The following NAALADL2 variants were observed in gnomAD, a reference collection of about 807,000 sequenced individuals.
NAALADL2 encodes inactive N-acetylated-alpha-linked acidic dipeptidase-like protein 2.
In NAALADL2, 76 loss-of-function variants were observed where a neutral mutation model predicts 87.2. The ratio of observed to expected loss-of-function variants is 0.87; its 90% CI spans 0.72 to 1.05. The LOEUF (loss-of-function observed/expected upper bound fraction) is 1.05. Ranked by LOEUF, NAALADL2 falls within the 50% of genes least tolerant of loss-of-function variation. NAALADL2 has a pLI of 0.00. For synonymous variants in NAALADL2, 354 were observed against 331.0 expected (o/e 1.07, Z -0.75); for missense variants, 1,089 against 945.8 (o/e 1.15, Z -1.99).
chr3:175,133,027 C>T lies in NAALADL2; in HGVS notation c.545+35736C>T, dbSNP rs571052728. ...AGACGGAGTCGCAGCCAGGTAGAGG[C>T]ACTCCCCACATCCCAGACGGGGCGG... On this transcript the variant is annotated intron_variant, in intron 2 of 13. Coordinates refer to ENST00000454872, the MANE Select transcript of NAALADL2 (RefSeq NM_207015.3). Among the ~76,000 whole-genome samples the T allele has an allele frequency of 1.2e-3, 182 of 149,832 alleles. 7 individuals carry two copies. Among genetic ancestry groups the T allele is most frequent in the African/African-American group, 4.2e-3 (171 of 40,512 alleles).
At position 175,737,100 on chromosome 3, in the gene NAALADL2, G is replaced by A. The variant is rs920172842; in HGVS notation, c.1897-206G>A. Among the ~76,000 whole-genome samples the A allele has an allele frequency of 4.0e-5, 6 of 151,890 alleles. No individual in the cohort carries two copies. In the East Asian group the frequency reaches 5.8e-4, roughly 15 times the overall value. On this transcript the variant is annotated intron_variant, in intron 11 of 13. Coordinates refer to ENST00000454872, the MANE Select transcript of NAALADL2 (RefSeq NM_207015.3). ...ATATTTCCTTATACTATTCTGAGAC[G>A]TGAAAAAGATACTGAGGTCTTTTTC... is the stretch of plus-strand genomic sequence containing the variant.
At chr3:174,651,718 A>G (rs991171750) in intron 2 of NAALADL2, among the ~76,000 whole-genome samples, 1 of 152,166 alleles carries the variant, frequency 6.6e-6, no homozygotes, top group Non-Finnish European at 1.5e-5. Context: ...AAGGTTTCCT[A>G]TGCTTCAAAT....
chr3:175,073,529 T>G (rs11928561), intron 1 of NAALADL2, among the ~76,000 whole-genome samples: 34,955 of 152,056 alleles, frequency 0.23, 5,970 homozygotes, highest in African/African-American at 0.48. Flanking sequence ...TAGGCTCATT[T>G]TACTAATACA....
At chr3:175,065,266 G>A (rs1172851371) in intron 1 of NAALADL2, among the ~76,000 whole-genome samples, 4 of 152,094 alleles carry the variant, frequency 2.6e-5, no homozygotes, top group East Asian at 1.9e-4. Flanking sequence ...TATTGTCGTC[G>A]GGACTCCCTT....
upstream of NAALADL2, among the ~76,000 whole-genome samples, chr3:174,854,762 G>A (rs763309522): frequency 7.3e-5 from 11 of 150,244 alleles, no homozygotes; most frequent in East Asian, 3.9e-4. Context: ...TATTGAATAC[G>A]TAACACAGTA....
intron 2 of NAALADL2, among the ~76,000 whole-genome samples, chr3:174,636,918 A>G (rs1396805956): frequency 2.6e-5 from 4 of 152,152 alleles, no homozygotes; most frequent in Admixed American, 1.3e-4. Flanking sequence ...TGAACTCAAC[A>G]TAAGTTTCCA....
intron 3 of NAALADL2, among the ~76,000 whole-genome samples, chr3:174,796,914 T>G (rs1718169957): frequency 6.6e-6 from 1 of 152,122 alleles, no homozygotes; most frequent in African/African-American, 2.4e-5. Context: ...GGTTGTCTTT[T>G]CACTCTGTTG....
At chr3:174,764,454 A>G (rs903263461) in intron 3 of NAALADL2, among the ~76,000 whole-genome samples, 6 of 152,156 alleles carry the variant, frequency 3.9e-5, no homozygotes, top group Admixed American at 2.0e-4. Context: ...TACTAAAAAT[A>G]CTAAAATTAG....
At chr3:174,450,804 G>A (rs9942054) in intron 1 of NAALADL2, among the ~76,000 whole-genome samples, 67,950 of 147,826 alleles carry the variant, frequency 0.46, 17,130 homozygotes, top group East Asian at 0.92. Context: ...TGGGTGGCAG[G>A]GGTTGTAGTG....
At chr3:175,020,840 C>A (rs1340922927) in intron 1 of NAALADL2, among the ~76,000 whole-genome samples, 1 of 152,044 alleles carries the variant, frequency 6.6e-6, no homozygotes, top group Non-Finnish European at 1.5e-5. Flanking sequence ...CTTTCACATT[C>A]TCTTTCCAGA....
intron 1 of NAALADL2, among the ~76,000 whole-genome samples, chr3:174,970,909 T>C (rs1743539639): frequency 1.3e-5 from 2 of 152,148 alleles, no homozygotes; most frequent in East Asian, 1.9e-4. Context: ...TGGCATTGTA[T>C]TAGTCTGTAT....
intron 1 of NAALADL2, among the ~76,000 whole-genome samples, chr3:175,050,176 C>T (rs553731161): frequency 5.3e-5 from 8 of 152,210 alleles, no homozygotes; most frequent in East Asian, 3.9e-4. Flanking sequence ...ACCCAACTGC[C>T]GGGATAGGCT....
chr3:174,626,828 A>C, intron 2 of NAALADL2, among the ~76,000 whole-genome samples: 1 of 152,214 alleles, frequency 6.6e-6, no homozygotes, highest in South Asian at 2.1e-4. Context: ...CAGGATTCTT[A>C]ATACCAATTT....
Position 175,303,190 on chromosome 3 carries a change from A to C in NAALADL2, c.940-20985A>C, listed in dbSNP as rs1757300700. On this transcript the variant is annotated intron_variant, in intron 4 of 13. Transcript: ENST00000454872. ...ACTACTTTATGCTGATTGATTAGAC[A>C]AGTTACTTAAATTTTTGGCCCCAGA... 1.3e-5 allele frequency among the ~76,000 whole-genome samples: 2 copies of C among 152,108 alleles called. 1 individual carries two copies. The highest frequency in any genetic ancestry group is 4.1e-4 in the South Asian group (2 of 4,828).
chr3:175,071,465 TAC>T (rs1298027802), intron 1 of NAALADL2, among the ~76,000 whole-genome samples: 6 of 152,096 alleles, frequency 3.9e-5, no homozygotes, highest in South Asian at 2.1e-4. Context: ...GTTGTGTGCA[TAC>T]AGTTTTTCAT....
chr3:174,667,548 T>TTTTTTG (rs1553814208), intron 2 of NAALADL2, among the ~76,000 whole-genome samples: 6 of 115,424 alleles, frequency 5.2e-5, no homozygotes, highest in Non-Finnish European at 7.5e-5. Context: ...GGAGAGAGTT[T>TTTTTTG]TTTTTTTTTT....
rs530794936 is a variant in NAALADL2 at position 175,095,131 on chromosome 3, G to GT, written c.44-1654dup. Among the ~76,000 whole-genome samples the GT allele has an allele frequency of 1.9e-3, 293 of 152,094 alleles. 2 individuals are homozygous for GT. Among genetic ancestry groups the GT allele is most frequent in the Middle Eastern group, 0.014 (4 of 294 alleles). Reference sequence around the variant, plus strand: ...CCTCAGCCATAGAGTACCACTCTAGGTTTTTCAAATGGGGCATTCTTATTC... The same window carrying GT: ...CCTCAGCCATAGAGTACCACTCTAGGTTTTTTCAAATGGGGCATTCTTATTC... On this transcript the variant is annotated intron_variant, in intron 1 of 13. Coordinates refer to ENST00000454872, the MANE Select transcript of NAALADL2 (RefSeq NM_207015.3).
intron 3 of NAALADL2, among the ~76,000 whole-genome samples, chr3:174,803,533 A>T (rs2109260596): frequency 6.6e-6 from 1 of 152,216 alleles, no homozygotes; most frequent in East Asian, 1.9e-4. Context: ...TTTAGTCATG[A>T]AGTCTTTGCT....
chr3:174,542,257 TA>T (rs1401359196), intron 1 of NAALADL2, among the ~76,000 whole-genome samples: 3 of 152,164 alleles, frequency 2.0e-5, no homozygotes, highest in Non-Finnish European at 1.5e-5. Context: ...CCTACTAATC[TA>T]CCTCATTCAC....
Sources: gnomAD v4.1 joint callset for allele counts (sites outside exome capture counted in the v4.1 genomes callset) on GRCh38, gnomAD v4.1.1 for gene constraint, MANE v1.5 for transcripts, NCBI Gene and HGNC (gene_info 2026-07-23, HGNC 2026-07-21) for gene names.